STK32B: variants seen among roughly 807,000 people sequenced by gnomAD.
The protein encoded by STK32B is serine/threonine kinase 32B.
A neutral mutation model predicts 52.6 loss-of-function variants in STK32B; 43 were observed. The observed-to-expected ratio is 0.82, with a 90% CI of 0.64 to 1.05. STK32B has a LOEUF of 1.05. Among genes scored for constraint, STK32B ranks in the 50% least tolerant of loss-of-function variants. STK32B has a pLI of 0.00. For synonymous variants in STK32B, 238 were observed against 204.3 expected (o/e 1.17, Z -1.41); for missense variants, 621 against 534.6 (o/e 1.16, Z -1.59).
intron 1 of STK32B, among the ~76,000 whole-genome samples, chr4:5,102,519 T>TCCTTCTTTCTTTCTTTA (rs1390457613): frequency 7.5e-6 from 1 of 133,708 alleles, no homozygotes; most frequent in Non-Finnish European, 1.6e-5. Context: ...CCTCCTTCCT[T>TCCTTCTTTCTTTCTTTA]CTTTCTTTCT....
intron 1 of STK32B, among the ~76,000 whole-genome samples, chr4:5,054,702 C>T (rs1405140676): frequency 1.3e-5 from 2 of 152,184 alleles, no homozygotes; most frequent in African/African-American, 4.8e-5. Flanking sequence ...GTCCAGTGAA[C>T]AAGCTCTCCC....
At chr4:5,151,904 G>C (rs922427815) in intron 2 of STK32B, among the ~76,000 whole-genome samples, 2 of 152,130 alleles carry the variant, frequency 1.3e-5, no homozygotes, top group African/African-American at 4.8e-5. Flanking sequence ...TCCCCTTGGA[G>C]AACACCGCCC....
chr4:5,096,625 T>C (rs1478503369), intron 1 of STK32B, among the ~76,000 whole-genome samples: 1 of 152,178 alleles, frequency 6.6e-6, no homozygotes, highest in Non-Finnish European at 1.5e-5. Context: ...ACCTTAGTGG[T>C]GTTTTTTCTT....
chr4:5,310,025 G>A (rs999023273), intron 3 of STK32B, among the ~76,000 whole-genome samples: 17 of 152,102 alleles, frequency 1.1e-4, no homozygotes, highest in Non-Finnish European at 2.5e-4. Context: ...AATTAGCCGG[G>A]CGTGGTGGCA....
intron 3 of STK32B, among the ~76,000 whole-genome samples, chr4:5,211,814 A>G (rs889333996): frequency 2.0e-5 from 3 of 152,236 alleles, no homozygotes; most frequent in Non-Finnish European, 4.4e-5. Context: ...CGCATTTTAC[A>G]CTGTGAATCA....
At chr4:5,125,346 C>T (rs760821661) in intron 1 of STK32B, among the ~76,000 whole-genome samples, 1 of 152,188 alleles carries the variant, frequency 6.6e-6, no homozygotes, top group Non-Finnish European at 1.5e-5. Context: ...GCATAGAAAA[C>T]TAATACAAAG....
At chr4:5,066,931 C>T (rs1204446090) in intron 1 of STK32B, among the ~76,000 whole-genome samples, 1 of 152,194 alleles carries the variant, frequency 6.6e-6, no homozygotes, top group Non-Finnish European at 1.5e-5. Context: ...CATGCTCCTT[C>T]ATAGCATTGA....
At chr4:5,050,585 A>G (rs73794740), upstream of STK32B, among the ~76,000 whole-genome samples, 1,747 of 152,248 alleles carry the variant, frequency 0.011, 35 homozygotes, top group African/African-American at 0.039. Flanking sequence ...GCTTTCTATC[A>G]AAGCACGGAC....
intron 3 of STK32B, among the ~76,000 whole-genome samples, chr4:5,209,243 A>G (rs1227244575): frequency 6.6e-6 from 1 of 152,106 alleles, no homozygotes; most frequent in Non-Finnish European, 1.5e-5. Flanking sequence ...TTCTTTTGAG[A>G]CAGGGTCCTG....
intron 3 of STK32B, among the ~76,000 whole-genome samples, chr4:5,188,720 T>A (rs1275370185): frequency 1.3e-5 from 2 of 151,666 alleles, no homozygotes; most frequent in East Asian, 3.9e-4. Flanking sequence ...TGCCCCTTTC[T>A]CCCCCTACAC....
At chr4:5,368,831 T>C (rs1406701264) in intron 4 of STK32B, among the ~76,000 whole-genome samples, 1 of 152,140 alleles carries the variant, frequency 6.6e-6, no homozygotes, top group Non-Finnish European at 1.5e-5. Flanking sequence ...TTTCATATGC[T>C]CCGCAGGAAG....
At chr4:5,157,501 C>T (rs373118411) in intron 2 of STK32B, among the ~76,000 whole-genome samples, 17 of 152,028 alleles carry the variant, frequency 1.1e-4, no homozygotes, top group East Asian at 3.9e-4. Context: ...ACAGCCTCTC[C>T]GAGAGGAGAA....
rs370170571 is a variant in STK32B, at chr4:5,051,927, A to G, written c.52+12A>G. 1.0e-4 allele frequency: 160 copies of G among 1,587,280 alleles called. No homozygotes were observed. Among genetic ancestry groups the G allele is most frequent in the Non-Finnish European group, 1.3e-4 (153 of 1,167,506 alleles). ...CGAGAATGAGGAAGGTAAGAGAGCG[A>G]GAGGTGCGAATTCCCGCTTCGCGGG... On this transcript the variant is annotated intron_variant, in intron 1 of 11. Transcript: ENST00000282908.
chr4:5,163,550 G>C (rs1365065452), intron 2 of STK32B, among the ~76,000 whole-genome samples: 2 of 143,640 alleles, frequency 1.4e-5, no homozygotes, highest in African/African-American at 5.6e-5. Context: ...GTGTGTGTGT[G>C]TGTGTGTGTG....
At chr4:5,128,062 C>A (rs933539908) in intron 1 of STK32B, among the ~76,000 whole-genome samples, 1 of 152,100 alleles carries the variant, frequency 6.6e-6, no homozygotes, top group Non-Finnish European at 1.5e-5. Flanking sequence ...TACCCAGTGT[C>A]AGGTATATGT....
At chr4:5,162,766 C>T (rs1007420095) in intron 2 of STK32B, among the ~76,000 whole-genome samples, 3 of 152,104 alleles carry the variant, frequency 2.0e-5, no homozygotes, top group Non-Finnish European at 4.4e-5. Flanking sequence ...GCCAAGGACC[C>T]CAAACTTAGG....
chr4:5,451,743 C>G (rs1209244967), intron 7 of STK32B, among the ~76,000 whole-genome samples: 1 of 152,162 alleles, frequency 6.6e-6, no homozygotes, highest in Non-Finnish European at 1.5e-5. Context: ...GCAGAACTCC[C>G]CACCCAGTTA....
rs796639671 is a variant in STK32B at position 5,381,016 on chromosome 4, C to T, written c.435-17191C>T. Among the ~76,000 whole-genome samples the T allele has an allele frequency of 4.6e-5, 7 of 152,142 alleles. No individual in the cohort carries two copies. In the East Asian group the frequency reaches 9.6e-4, roughly 21 times the overall value. ...AGCAGTTACACAGTGTAAATGACCA[C>T]GCTGATCATTTGTTTTCCTCCCATT... On this transcript the variant is annotated intron_variant, in intron 4 of 11. Coordinates refer to ENST00000282908, the MANE Select transcript of STK32B (RefSeq NM_018401.3).
chr4:5,471,317 T>G (rs975287584), intron 11 of STK32B, among the ~76,000 whole-genome samples: 1 of 151,970 alleles, frequency 6.6e-6, no homozygotes, highest in Non-Finnish European at 1.5e-5. Flanking sequence ...GTAGGGTGGG[T>G]GCCTAATCCA....
Sources: allele counts gnomAD v4.1 joint callset (sites outside exome capture counted in the v4.1 genomes callset), GRCh38; gene constraint gnomAD v4.1.1; transcripts MANE v1.5; gene names NCBI Gene and HGNC (gene_info 2026-07-23, HGNC 2026-07-21).